The following FAM13B variants were observed in gnomAD, a reference collection of about 807,000 sequenced individuals.
FAM13B encodes the protein protein FAM13B.
FAM13B carries 60 observed loss-of-function variants against 117.3 expected under a neutral mutation model. The ratio of observed to expected loss-of-function variants is 0.51; its 90% confidence interval spans 0.42 to 0.63. The LOEUF (loss-of-function observed/expected upper bound fraction) is 0.63, where lower values mean the gene tolerates loss of function less well. FAM13B is among the 30% of genes least tolerant of loss of function. The pLI is 0.00. For synonymous variants in FAM13B, 332 were observed against 356.1 expected (o/e 0.93, Z 0.76); for missense variants, 972 against 1,091.9 (o/e 0.89, Z 1.55).
At chr5:138,009,694 A>T (rs1016436977) in intron 6 of FAM13B, among the ~76,000 whole-genome samples, 1 of 150,350 alleles carries the variant, frequency 6.7e-6, no homozygotes, top group Non-Finnish European at 1.5e-5. Flanking sequence ...CATCCCAGCT[A>T]CTCGAGAGGC....
chr5:137,964,354 A>C (rs1002844114), intron 10 of FAM13B, among the ~76,000 whole-genome samples: 1 of 151,710 alleles, frequency 6.6e-6, no homozygotes, highest in African/African-American at 2.4e-5. Flanking sequence ...CAAGTGATCC[A>C]TCTGTCTTCA....
intron 10 of FAM13B, among the ~76,000 whole-genome samples, chr5:137,980,412 C>A (rs1400567648): frequency 6.8e-6 from 1 of 147,388 alleles, no homozygotes; most frequent in Non-Finnish European, 1.5e-5. Context: ...TTCCTGCTCT[C>A]TTTATAAAGT....
Position 137,948,973 on chromosome 5 carries a change from A to C in FAM13B, c.2142T>G (p.Cys714Trp), listed in dbSNP as rs1764174643. 3.1e-6 allele frequency: 5 copies of C among 1,613,488 alleles called. No individual in the cohort carries two copies. Among genetic ancestry groups the C allele is most frequent in the Non-Finnish European group, 4.2e-6 (5 of 1,179,810 alleles). The change falls in exon 18 of 24, where the codon TGT becomes TGG. Residue 714 changes from cysteine to tryptophan, a missense_variant. Coordinates refer to ENST00000689681, the MANE Select transcript of FAM13B (RefSeq NM_001385994.1). The part of the protein sequence containing the change: ...KRLKEKRIER[C>W]LPEDIKKMTK... ...AGATTACCTTGATATCTTCTGGAAG[A>C]CACCTCTCAATACGTTTTTCTTTCA...
rs1203277598 is a variant in FAM13B at position 138,001,414 on chromosome 5, A to G, written c.848+5576T>C. Among the ~76,000 whole-genome samples, 5 of 152,164 alleles carry G rather than the reference A, an allele frequency of 3.3e-5. No individual in the cohort carries two copies. In the East Asian group the frequency reaches 5.8e-4, roughly 18 times the overall value. ...CATCCAAGGTAGATAATCAAACAATATATTTTATATTTCTTCTGTCTCAGA... is the reference window on the plus strand; with the variant it reads ...CATCCAAGGTAGATAATCAAACAATGTATTTTATATTTCTTCTGTCTCAGA... On this transcript the variant is annotated intron_variant, in intron 7 of 23. Transcript: ENST00000689681.
intron 1 of FAM13B, among the ~76,000 whole-genome samples, chr5:138,049,303 C>T (rs1027451609): frequency 4.0e-5 from 6 of 150,994 alleles, no homozygotes; most frequent in Non-Finnish European, 8.8e-5. Flanking sequence ...TAGAGTTTTG[C>T]GCTGTTGTTG....
At chr5:137,992,251 T>G (rs949127690) in intron 7 of FAM13B, among the ~76,000 whole-genome samples, 1 of 150,710 alleles carries the variant, frequency 6.6e-6, no homozygotes, top group African/African-American at 2.4e-5. Context: ...ATAAAATTTT[T>G]AAAACCTATT....
At chr5:137,952,735 T>G (rs774087029) in intron 16 of FAM13B, 26 bp from the exon 17 acceptor site, 2 of 1,361,560 alleles carry the variant, frequency 1.5e-6, no homozygotes, top group Non-Finnish European at 2.1e-6. Context: ...GCAGAATCAC[T>G]GACACTTGTG....
At chr5:138,022,585 G>A (rs1787050463) in intron 1 of FAM13B, among the ~76,000 whole-genome samples, 1 of 152,164 alleles carries the variant, frequency 6.6e-6, no homozygotes, top group African/African-American at 2.4e-5. Context: ...TGCCTGCTAA[G>A]ACATGTAGTT....
intron 7 of FAM13B, among the ~76,000 whole-genome samples, chr5:138,002,062 G>A (rs1436107516): frequency 3.3e-5 from 5 of 152,106 alleles, no homozygotes; most frequent in South Asian, 2.1e-4. Flanking sequence ...GGAATGAAAC[G>A]CTCTTACCTC....
At chr5:137,996,964 C>T (rs1360175150) in intron 7 of FAM13B, among the ~76,000 whole-genome samples, 6 of 152,058 alleles carry the variant, frequency 3.9e-5, no homozygotes, top group African/African-American at 7.2e-5. Context: ...CTTTATAACA[C>T]GAAGTAATTT....
At chr5:138,026,655 A>AAAAAAC (rs1554082505) in intron 1 of FAM13B, among the ~76,000 whole-genome samples, 1 of 121,098 alleles carries the variant, frequency 8.3e-6, no homozygotes, top group Non-Finnish European at 1.7e-5. Flanking sequence ...AAAAAAAAAA[A>AAAAAAC]TTGGTCAGGC....
intron 1 of FAM13B, among the ~76,000 whole-genome samples, chr5:138,046,137 G>A (rs1185915423): frequency 2.0e-5 from 3 of 152,130 alleles, no homozygotes; most frequent in Non-Finnish European, 2.9e-5. Flanking sequence ...ATAAGGTGGA[G>A]TTTCTCTGCA....
rs780389587 is a variant in FAM13B at position 137,943,194 on chromosome 5, C to G, written c.2363G>C (p.Arg788Thr). ...TATGATTGGCTGTAACATCTGACCC[C>G]TTCGCTTGGTGGATGGAGATCCCTA... ...PVLGSPSTKR[R>T]GQMLQPIIEG... is the part of the protein sequence containing the mutation. Residue 788 changes from arginine (R) to threonine (T), a missense_variant, in exon 21 of 24, where the codon AGG (arginine) becomes ACG (threonine). Physicochemically the swap from Arg to Thr is moderately conservative, Grantham distance 71 (BLOSUM62 -1). Transcript: ENST00000689681. 1.1e-5 allele frequency: 17 copies of G among 1,613,808 alleles called. No individual in the cohort carries two copies. The highest frequency in any genetic ancestry group is 8.3e-5 in the Admixed American group (5 of 60,002).
At chr5:137,944,752 C>A in intron 20 of FAM13B, among the ~76,000 whole-genome samples, 1 of 71,244 alleles carries the variant, frequency 1.4e-5, no homozygotes. Flanking sequence ...AGCGAGACTC[C>A]ATCTCAAAAA....
chr5:137,959,615 C>T lies in FAM13B; in HGVS notation c.1441+1G>A. ...AAAATAATGCGTGTGGGTAAAATTA[C>T]CTTCCCATTTATCACCATCAGAAAC... On this transcript the variant is annotated splice_donor_variant, in intron 13 of 23. Coordinates refer to ENST00000689681, the MANE Select transcript of FAM13B (RefSeq NM_001385994.1). LOFTEE classifies it high-confidence loss of function. 6.2e-7 allele frequency: 1 copy of T among 1,613,602 alleles called. No homozygotes were observed. Among genetic ancestry groups the T allele is most frequent in the Non-Finnish European group, 8.5e-7 (1 of 1,179,682 alleles).
intron 10 of FAM13B, among the ~76,000 whole-genome samples, chr5:137,974,419 T>C (rs1312313205): frequency 1.7e-5 from 2 of 121,066 alleles, no homozygotes; most frequent in Non-Finnish European, 3.2e-5. Flanking sequence ...TGAGAACACA[T>C]GGACACAGGA....
chr5:137,939,235 A>G lies in FAM13B; in HGVS notation c.*990T>C, dbSNP rs1760979116. 6.6e-6 allele frequency: 1 copy of G among 152,574 alleles called. No homozygotes were observed. The highest frequency in any genetic ancestry group is 1.5e-5 in the Non-Finnish European group (1 of 68,040). The allele number at this position is 152,574 out of a possible 1,614,324, so 9.5% of individuals were successfully genotyped here. A position where few individuals can be genotyped will look rare whatever the true frequency, so the allele number is the denominator to read the frequency against. ...GATTAAAATAGGAGGGGAAAAAAAA[A>G]AAGATAACCCCCTGAAGGTACATGT... On this transcript the variant is annotated 3_prime_UTR_variant, in exon 24 of 24. Transcript: ENST00000689681.
chr5:138,011,544 C>T (rs1051352789), intron 5 of FAM13B, among the ~76,000 whole-genome samples: 3 of 151,972 alleles, frequency 2.0e-5, no homozygotes, highest in East Asian at 1.9e-4. Context: ...CTCAGCCTCC[C>T]GAGCAGCTGG....
intron 7 of FAM13B, among the ~76,000 whole-genome samples, chr5:138,001,768 C>A (rs1781322178): frequency 6.6e-6 from 1 of 151,816 alleles, no homozygotes; most frequent in African/African-American, 2.4e-5. Context: ...GACATTTGAG[C>A]AAAGAATTGA....
Sources: gnomAD v4.1 joint callset for allele counts (sites outside exome capture counted in the v4.1 genomes callset) on GRCh38, gnomAD v4.1.1 for gene constraint, MANE v1.5 for transcripts, NCBI Gene and HGNC (gene_info 2026-07-23, HGNC 2026-07-21) for gene names.